SPSB1: variants seen among roughly 807,000 people sequenced by gnomAD.
SPSB1 encodes the protein splA/ryanodine receptor domain and SOCS box containing 1, also known as SPRY domain-containing SOCS box protein 1.
A neutral mutation model predicts 21.2 loss-of-function variants in SPSB1; 8 were observed. The ratio of observed to expected loss-of-function variants is 0.38; its 90% CI spans 0.22 to 0.68. The LOEUF is 0.68. Among genes scored for constraint, SPSB1 ranks in the 30% least tolerant of loss-of-function variants. The pLI is 0.53. For synonymous variants in SPSB1, 169 were observed against 161.7 expected (o/e 1.05, Z -0.34); for missense variants, 242 against 377.8 (o/e 0.64, Z 2.98).
chr1:9,307,217 T>C (rs1391494521), intron 1 of SPSB1, among the ~76,000 whole-genome samples: 6 of 152,214 alleles, frequency 3.9e-5, no homozygotes, highest in Non-Finnish European at 5.9e-5. Flanking sequence ...CATGAGCCAC[T>C]GTGCCTGGCC....
chr1:9,355,717 C>T (rs950750270), intron 1 of SPSB1, 26 bp from the exon 2 acceptor site: 2 of 1,347,546 alleles, frequency 1.5e-6, no homozygotes, highest in South Asian at 2.5e-5. Context: ...TCCTGCTCAC[C>T]GGTTGTTTGT....
intron 1 of SPSB1, chr1:9,351,692 G>A (rs1323035957): frequency 6.6e-6 from 1 of 152,294 alleles, no homozygotes; most frequent in Non-Finnish European, 1.5e-5. Flanking sequence ...GAGGACAGAT[G>A]GATGGCTTCA....
Position 9,317,165 on chromosome 1 carries a change from C to T in SPSB1, c.-150+24094C>T, listed in dbSNP as rs887752536. Reference sequence around the variant, plus strand: ...TGCTTAGAGGCCAGCAAGGTTCTGGCCTTGGGGATCAGGGTTTACTCTCAG... The same window carrying T: ...TGCTTAGAGGCCAGCAAGGTTCTGGTCTTGGGGATCAGGGTTTACTCTCAG... On this transcript the variant is annotated intron_variant, in intron 1 of 2. Transcript: ENST00000328089. The surrounding 1 kb of genome is among the most constrained non-coding windows in gnomAD (Gnocchi z 4.3). Among the ~76,000 whole-genome samples, 9 of 152,062 alleles carry T rather than the reference C, an allele frequency of 5.9e-5. No homozygotes were observed. Among genetic ancestry groups the T allele is most frequent in the African/African-American group, 2.2e-4 (9 of 41,410 alleles).
chr1:9,361,445 G>A (rs886500410), intron 2 of SPSB1, among the ~76,000 whole-genome samples: 2 of 152,120 alleles, frequency 1.3e-5, no homozygotes, highest in Non-Finnish European at 2.9e-5. Flanking sequence ...AGGGGCAGCT[G>A]TTTGTAGGGC....
intron 1 of SPSB1, among the ~76,000 whole-genome samples, chr1:9,334,881 C>T (rs903181036): frequency 1.3e-5 from 2 of 152,274 alleles, no homozygotes; most frequent in East Asian, 1.9e-4. Context: ...AATGTCCTTC[C>T]GTGTTAAGGC....
intron 2 of SPSB1, among the ~76,000 whole-genome samples, chr1:9,357,804 C>T (rs1267100781): frequency 1.3e-5 from 2 of 152,188 alleles, no homozygotes; most frequent in Admixed American, 1.3e-4. Flanking sequence ...TCCGTGGTAG[C>T]AGGAGGGCCT....
intron 1 of SPSB1, among the ~76,000 whole-genome samples, chr1:9,355,057 C>T (rs897822096): frequency 2.6e-5 from 4 of 152,170 alleles, no homozygotes; most frequent in African/African-American, 7.2e-5. Context: ...TAAGAAATCC[C>T]GGGGGTCGGG....
chr1:9,318,611 G>A (rs1639651812), intron 1 of SPSB1, among the ~76,000 whole-genome samples: 1 of 152,230 alleles, frequency 6.6e-6, no homozygotes, highest in Non-Finnish European at 1.5e-5. Context: ...ATGGGTGTGA[G>A]ACTTACCTTG....
At chr1:9,333,342 T>C (rs1569614702) in intron 1 of SPSB1, among the ~76,000 whole-genome samples, 1 of 151,220 alleles carries the variant, frequency 6.6e-6, no homozygotes, top group African/African-American at 2.4e-5. Context: ...TTTTTTTTTT[T>C]TTTTTTAAGG....
intron 1 of SPSB1, among the ~76,000 whole-genome samples, chr1:9,352,585 G>A (rs1011146232): frequency 2.0e-4 from 31 of 152,182 alleles, no homozygotes; most frequent in African/African-American, 6.5e-4. Flanking sequence ...CTCCGGTCTC[G>A]CTGAGACAGG....
intron 1 of SPSB1, among the ~76,000 whole-genome samples, chr1:9,323,671 G>A (rs976941936): frequency 1.3e-5 from 2 of 152,202 alleles, no homozygotes; most frequent in African/African-American, 2.4e-5. Context: ...CTGCCCGCGC[G>A]TCTCCAGGCA....
rs1482650473 is a variant in SPSB1 at position 9,324,514 on chromosome 1, C to T, written c.-149-31229C>T. Among the ~76,000 whole-genome samples, 5 of 151,724 alleles carry T rather than the reference C, an allele frequency of 3.3e-5. No homozygotes were observed. The highest frequency in any genetic ancestry group is 2.4e-5 in the African/African-American group (1 of 41,372). On this transcript the variant is annotated intron_variant, in intron 1 of 2. Coordinates refer to ENST00000328089, the MANE Select transcript of SPSB1 (RefSeq NM_025106.4). The surrounding 1 kb of genome is among the most constrained non-coding windows in gnomAD (Gnocchi z 4.3). Reference sequence around the variant, plus strand: ...GGGTCGGCTCGGAGGGCTGTGGGCCCGGGACTCGGTGTGTCCGATGAGGAA... The same window carrying T: ...GGGTCGGCTCGGAGGGCTGTGGGCCTGGGACTCGGTGTGTCCGATGAGGAA...
At chr1:9,335,132 G>T (rs1054438460) in intron 1 of SPSB1, among the ~76,000 whole-genome samples, 6 of 151,930 alleles carry the variant, frequency 3.9e-5, no homozygotes, top group Non-Finnish European at 8.8e-5. Flanking sequence ...GTTTTCTACA[G>T]GGCCTGTAAA....
chr1:9,350,915 C>A (rs1384045552), intron 1 of SPSB1, among the ~76,000 whole-genome samples: 1 of 152,250 alleles, frequency 6.6e-6, no homozygotes, highest in Non-Finnish European at 1.5e-5. Context: ...AAGTGTAGTG[C>A]CCGGTGCTGG....
intron 1 of SPSB1, among the ~76,000 whole-genome samples, chr1:9,335,541 G>T (rs1250634801): frequency 2.6e-5 from 4 of 151,352 alleles, no homozygotes; most frequent in Non-Finnish European, 5.9e-5. Flanking sequence ...GGGTGCAGTG[G>T]CTCACGCCTG....
At chr1:9,365,974 G>C (rs2100525181) in intron 2 of SPSB1, among the ~76,000 whole-genome samples, 1 of 152,380 alleles carries the variant, frequency 6.6e-6, no homozygotes, top group African/African-American at 2.4e-5. Context: ...CGGGCGAGCA[G>C]GGCCGCGCAG....
chr1:9,317,566 G>A lies in SPSB1; in HGVS notation c.-150+24495G>A, dbSNP rs1386257122. Among the ~76,000 whole-genome samples, 4 of 152,160 alleles carry A rather than the reference G, an allele frequency of 2.6e-5. No individual in the cohort carries two copies. Among genetic ancestry groups the A allele is most frequent in the Non-Finnish European group, 4.4e-5 (3 of 68,028 alleles). On this transcript the variant is annotated intron_variant, in intron 1 of 2. Coordinates refer to ENST00000328089, the MANE Select transcript of SPSB1 (RefSeq NM_025106.4). The surrounding 1 kb of genome is among the most constrained non-coding windows in gnomAD (Gnocchi z 4.3). ...GCTCACTGCGGCTTCTGCCTCCCAG[G>A]CTCGGGGATCCTCACACCTCAGCCT... is the stretch of plus-strand genomic sequence containing the variant.
chr1:9,299,159 G>T (rs968102505), intron 1 of SPSB1, among the ~76,000 whole-genome samples: 6 of 152,252 alleles, frequency 3.9e-5, no homozygotes, highest in Admixed American at 2.6e-4. Flanking sequence ...GCTACTGCAT[G>T]CAGCTGTTGA....
At position 9,293,933 on chromosome 1, in the gene SPSB1, T is replaced by A. The variant is rs1639164256; in HGVS notation, c.-150+862T>A. Among the ~76,000 whole-genome samples the A allele has an allele frequency of 6.6e-6, 1 of 152,110 alleles. No individual in the cohort carries two copies. Among genetic ancestry groups the A allele is most frequent in the African/African-American group, 2.4e-5 (1 of 41,422 alleles). On this transcript the variant is annotated intron_variant, in intron 1 of 2. Transcript: ENST00000328089. This position sits in a 1 kb window ranked among gnomAD's most constrained non-coding sequence, Gnocchi z 5.1. ...CTGTGTGTTCATGTGGGTGTGTGTG[T>A]GAGTGTGTCTCTAAGTGCATCTGTG...
Sources: allele counts gnomAD v4.1 joint callset (sites outside exome capture counted in the v4.1 genomes callset), GRCh38; gene constraint gnomAD v4.1.1; non-coding constraint Gnocchi (gnomAD v3.1); transcripts MANE v1.5; gene names NCBI Gene and HGNC (gene_info 2026-07-23, HGNC 2026-07-21).